Variants in CEP170 observed in about 807,000 individuals in gnomAD.
CEP170 encodes the protein centrosomal protein 170.
In CEP170, 21 loss-of-function variants were observed where a neutral mutation model predicts 151.9. The ratio of observed to expected loss-of-function variants is 0.14; its 90% CI spans 0.10 to 0.20. The LOEUF (loss-of-function observed/expected upper bound fraction) is 0.20, where lower values mean the gene tolerates loss of function less well. Among genes scored for constraint, CEP170 ranks in the 10% least tolerant of loss-of-function variants. The pLI, the probability that CEP170 is intolerant of heterozygous loss-of-function variation, is 1.00. For missense variants in CEP170, 964 were observed against 1,892.9 expected (o/e 0.51, Z 9.11); for synonymous variants, 356 against 648.8 (o/e 0.55, Z 6.86).
chr1:243,147,774 G>C (rs2056663998), intron 14 of CEP170, among the ~76,000 whole-genome samples: 2 of 152,134 alleles, frequency 1.3e-5, no homozygotes, highest in African/African-American at 2.4e-5. Flanking sequence ...ATGGGGCTAA[G>C]ACAAGGAACT....
chr1:243,253,200 T>A (rs949685186), intron 1 of CEP170: 2 of 152,198 alleles, frequency 1.3e-5, no homozygotes, highest in East Asian at 3.8e-4. Context: ...AGTAAGTTAC[T>A]TTATGAAAGT....
At chr1:243,166,262 G>C in intron 12 of CEP170, 146 bp from the exon 13 acceptor site, 9 of 981,110 alleles carry the variant, frequency 9.2e-6, no homozygotes, top group Non-Finnish European at 1.3e-5. Context: ...AAGGATGCTT[G>C]AGTACCTTAT....
chr1:243,156,543 G>A (rs1219671413), intron 13 of CEP170, 88 bp from the exon 14 acceptor site: 5 of 1,274,818 alleles, frequency 3.9e-6, no homozygotes, highest in Admixed American at 5.2e-5. Flanking sequence ...AACACCATGA[G>A]AGCGCACACA....
At chr1:243,217,393 C>A (rs988932772) in intron 3 of CEP170, among the ~76,000 whole-genome samples, 1 of 152,188 alleles carries the variant, frequency 6.6e-6, no homozygotes, top group Non-Finnish European at 1.5e-5. Flanking sequence ...TAAAACACCA[C>A]ATTTACTCAA....
At chr1:243,226,873 C>A (rs2063341287) in intron 1 of CEP170, among the ~76,000 whole-genome samples, 1 of 152,108 alleles carries the variant, frequency 6.6e-6, no homozygotes, top group Non-Finnish European at 1.5e-5. Flanking sequence ...CCTGTAATCC[C>A]AGCTACTCGG....
chr1:243,140,976 TAC>T (rs2055767019), intron 15 of CEP170, among the ~76,000 whole-genome samples: 1 of 152,362 alleles, frequency 6.6e-6, no homozygotes, highest in Non-Finnish European at 1.5e-5. Context: ...TGATTTCATT[TAC>T]AGTTACATTT....
chr1:243,204,523 C>T (rs1386354186), intron 4 of CEP170, among the ~76,000 whole-genome samples: 7 of 152,124 alleles, frequency 4.6e-5, no homozygotes, highest in African/African-American at 1.2e-4. Flanking sequence ...AAATGATTGG[C>T]GGGTGGATCT....
intron 4 of CEP170, 87 bp downstream of exon 4, chr1:243,211,799 G>A: frequency 6.9e-7 from 1 of 1,449,824 alleles, no homozygotes; most frequent in Non-Finnish European, 9.5e-7. Flanking sequence ...TATCTATATT[G>A]TGAATTGTGT....
intron 4 of CEP170, among the ~76,000 whole-genome samples, chr1:243,206,470 T>C (rs1022668826): frequency 6.6e-6 from 1 of 152,220 alleles, no homozygotes; most frequent in Non-Finnish European, 1.5e-5. Flanking sequence ...AATACTTTTC[T>C]AGACATATAA....
intron 4 of CEP170, among the ~76,000 whole-genome samples, chr1:243,205,816 C>T (rs1272704258): frequency 6.6e-6 from 1 of 151,520 alleles, no homozygotes; most frequent in Non-Finnish European, 1.5e-5. Flanking sequence ...AAGAGATAAA[C>T]AAATTTTAAA....
Position 243,191,282 on chromosome 1 carries a change from T to C in CEP170, c.844A>G (p.Ile282Val). The change falls in exon 8 of 20, where the codon ATT (isoleucine) becomes GTT (valine). Residue 282 changes from isoleucine to valine, a missense_variant. Physicochemically the swap from Ile to Val is conservative, Grantham distance 29 (BLOSUM62 3). Coordinates refer to ENST00000366542, the MANE Select transcript of CEP170 (RefSeq NM_014812.3). Reference sequence around the variant, plus strand: ...CCTGGGGTACTGTCATCAAATTCAATGGTAAATGAAGCATGCCCTGCACCT... The same window carrying C: ...CCTGGGGTACTGTCATCAAATTCAACGGTAAATGAAGCATGCCCTGCACCT... ...ITGAGHASFT[I>V]EFDDSTPGKV... The C allele has an allele frequency of 6.8e-6, 11 of 1,612,510 alleles. No individual in the cohort carries two copies. The highest frequency in any genetic ancestry group is 9.3e-6 in the Non-Finnish European group (11 of 1,179,288).
At chr1:243,161,146 T>A (rs2148506781) in intron 13 of CEP170, among the ~76,000 whole-genome samples, 1 of 150,658 alleles carries the variant, frequency 6.6e-6, no homozygotes, top group South Asian at 2.1e-4. Flanking sequence ...CTACTAAAAA[T>A]ACAAAAATTA....
intron 1 of CEP170, among the ~76,000 whole-genome samples, chr1:243,245,748 CAA>C (rs933609213): frequency 1.7e-4 from 25 of 150,402 alleles, no homozygotes; most frequent in African/African-American, 3.7e-4. Context: ...AAACAAAAAA[CAA>C]AAAACAAAAC....
intron 4 of CEP170, among the ~76,000 whole-genome samples, chr1:243,205,536 G>T (rs1172182252): frequency 6.6e-6 from 1 of 152,148 alleles, no homozygotes; most frequent in Admixed American, 6.6e-5. Context: ...TGAGTTTACT[G>T]ACCCCCCACA....
intron 1 of CEP170, among the ~76,000 whole-genome samples, chr1:243,226,173 A>G (rs2063268191): frequency 1.5e-5 from 1 of 68,632 alleles, no homozygotes; most frequent in Non-Finnish European, 2.9e-5. Flanking sequence ...CTATAGATAT[A>G]TATATATCTA....
At chr1:243,145,951 C>G (rs1052474382) in intron 14 of CEP170, among the ~76,000 whole-genome samples, 1 of 151,036 alleles carries the variant, frequency 6.6e-6, no homozygotes, top group African/African-American at 2.4e-5. Context: ...GTTTAGTAAG[C>G]AAAAAAAGTT....
chr1:243,156,169 T>C, intron 14 of CEP170, 52 bp downstream of exon 14: 1 of 1,528,868 alleles, frequency 6.5e-7, no homozygotes. Flanking sequence ...GTTACCAAGT[T>C]GTAATGTTCA....
intron 15 of CEP170, 86 bp from the exon 16 acceptor site, chr1:243,140,193 G>T: frequency 6.6e-7 from 1 of 1,520,478 alleles, no homozygotes; most frequent in Non-Finnish European, 8.9e-7. Context: ...TGATTAGACA[G>T]AAGTTATTCC....
At chr1:243,251,999 A>G (rs1200560054) in intron 1 of CEP170, among the ~76,000 whole-genome samples, 2 of 152,150 alleles carry the variant, frequency 1.3e-5, no homozygotes, top group East Asian at 3.8e-4. Context: ...TCACTGCTGA[A>G]CACTCCTTTA....
Sources: allele counts gnomAD v4.1 joint callset (sites outside exome capture counted in the v4.1 genomes callset), GRCh38; gene constraint gnomAD v4.1.1; transcripts MANE v1.5; gene names NCBI Gene and HGNC (gene_info 2026-07-23, HGNC 2026-07-21).